Variants in TRPM8 observed in about 807,000 individuals in gnomAD.
The protein encoded by TRPM8 is TRPM8 cationic channel.
TRPM8 carries 110 observed loss-of-function variants against 133.7 expected under a neutral mutation model. The ratio of observed to expected loss-of-function variants is 0.82; its 90% CI spans 0.70 to 0.96. The LOEUF (loss-of-function observed/expected upper bound fraction) is 0.96, where lower values mean the gene tolerates loss of function less well. Ranked by LOEUF, TRPM8 falls within the 40% of genes least tolerant of loss-of-function variation. The probability of loss-of-function intolerance (pLI) is 0.00; values close to 1 mark genes in which losing one functional copy is unlikely to be tolerated. For missense variants in TRPM8, 1,291 were observed against 1,379.5 expected (o/e 0.94, Z 1.02); for synonymous variants, 535 against 532.3 (o/e 1.01, Z -0.07).
intron 11 of TRPM8, among the ~76,000 whole-genome samples, chr2:233,958,738 G>A (rs1660795368): frequency 1.3e-5 from 2 of 152,208 alleles, no homozygotes; most frequent in African/African-American, 2.4e-5. Context: ...ACAATGTGGG[G>A]ACTCAAGGGA....
intron 18 of TRPM8, 125 bp downstream of exon 18, chr2:233,980,404 G>A (rs1691977541): frequency 1.6e-6 from 1 of 626,698 alleles, no homozygotes; most frequent in Non-Finnish European, 2.7e-6. Flanking sequence ...ACAAGACCAT[G>A]GTGTCTGCTT....
intron 17 of TRPM8, among the ~76,000 whole-genome samples, chr2:233,971,666 C>T (rs1328223804): frequency 1.3e-5 from 2 of 151,678 alleles, no homozygotes; most frequent in East Asian, 1.9e-4. Flanking sequence ...TTCTGATGTT[C>T]GGATGTGTTC....
At chr2:233,942,988 C>T (rs945216879) in intron 6 of TRPM8, 5 of 580,116 alleles carry the variant, frequency 8.6e-6, no homozygotes, top group East Asian at 3.0e-5. Context: ...TCAGCAATCT[C>T]ATATCACAGT....
rs531485223 is a variant in TRPM8, at chr2:233,927,184, A to G, written c.117+530A>G. Among the ~76,000 whole-genome samples, 4 of 152,292 alleles carry G rather than the reference A, an allele frequency of 2.6e-5. No homozygotes were observed. In the East Asian group the frequency reaches 7.7e-4, roughly 29 times the overall value. ...AATTAAGACAACATTCCAGCCTGAC[A>G]TCCAGTTCTCATGGACTACAGTGTT... On this transcript the variant is annotated intron_variant, in intron 2 of 25. Coordinates refer to ENST00000324695, the MANE Select transcript of TRPM8 (RefSeq NM_024080.5).
intron 22 of TRPM8, among the ~76,000 whole-genome samples, chr2:234,006,478 C>G (rs941567640): frequency 2.6e-5 from 4 of 152,142 alleles, no homozygotes; most frequent in African/African-American, 7.2e-5. Context: ...CAGCAATTAT[C>G]CAGCTGAATT....
intron 3 of TRPM8, among the ~76,000 whole-genome samples, chr2:233,934,928 G>C (rs1691759645): frequency 6.6e-6 from 1 of 152,210 alleles, no homozygotes; most frequent in African/African-American, 2.4e-5. Context: ...TCCTGCCACA[G>C]AGTGCTTTTA....
chr2:233,989,738 T>C lies in TRPM8; in HGVS notation c.2939+3873T>C, dbSNP rs1303887025. Among the ~76,000 whole-genome samples the C allele has an allele frequency of 6.6e-6, 1 of 152,222 alleles. No homozygotes were observed. Among genetic ancestry groups the C allele is most frequent in the Non-Finnish European group, 1.5e-5 (1 of 68,038 alleles). ...GAGTATTGGAGTGCTCTCTAGATGG[T>C]ATTCAACAGAGAAAGGAAATGGATG... On this transcript the variant is annotated intron_variant, in intron 21 of 25. Transcript: ENST00000324695. The surrounding 1 kb of genome is among the most constrained non-coding windows in gnomAD (Gnocchi z 4.2).
intron 1 of TRPM8, among the ~76,000 whole-genome samples, chr2:233,919,369 G>C (rs968096611): frequency 6.6e-6 from 1 of 152,132 alleles, no homozygotes; most frequent in Non-Finnish European, 1.5e-5. Flanking sequence ...AATTTTGGCA[G>C]TGTACTAATG....
In TRPM8 at chr2:234,006,389, A is replaced by G. The variant is rs148434575; in HGVS notation, c.3131-464A>G. ...CACAGCTCATGTTTCAGAAGGACAG[A>G]AACAATGCCTCGGGCTTATTTTCCT... On this transcript the variant is annotated intron_variant, in intron 22 of 25. Transcript: ENST00000324695. 7.9e-3 allele frequency among the ~76,000 whole-genome samples: 1,210 copies of G among 152,324 alleles called. 12 individuals carry two copies. The highest frequency in any genetic ancestry group is 7.8e-3 in the African/African-American group (326 of 41,566).
At chr2:233,923,698 C>T (rs1691455450) in intron 1 of TRPM8, among the ~76,000 whole-genome samples, 1 of 152,214 alleles carries the variant, frequency 6.6e-6, no homozygotes, top group Non-Finnish European at 1.5e-5. Flanking sequence ...GCATTTCACT[C>T]ATGGGTCTTG....
At chr2:234,009,491 C>A (rs907527332) in intron 24 of TRPM8, among the ~76,000 whole-genome samples, 5 of 152,082 alleles carry the variant, frequency 3.3e-5, no homozygotes, top group African/African-American at 9.7e-5. Context: ...TTGGCCCCAG[C>A]CTGGGCCCTG....
At chr2:233,992,012 T>C (rs1692291071) in intron 21 of TRPM8, among the ~76,000 whole-genome samples, 1 of 152,206 alleles carries the variant, frequency 6.6e-6, no homozygotes, top group Non-Finnish European at 1.5e-5. Flanking sequence ...ACATATATAA[T>C]TTCCCAGTAA....
chr2:234,002,486 C>A (rs1043563409), intron 22 of TRPM8, among the ~76,000 whole-genome samples: 5 of 152,174 alleles, frequency 3.3e-5, no homozygotes, highest in African/African-American at 1.2e-4. Context: ...TCTTTGATGA[C>A]TGGACTTGTT....
At chr2:234,012,156 T>C (rs1241815609) in intron 24 of TRPM8, among the ~76,000 whole-genome samples, 1 of 36,148 alleles carries the variant, frequency 2.8e-5, no homozygotes, top group East Asian at 2.8e-3. Context: ...TTCTAACAGT[T>C]TTTTTTTTTT....
intron 6 of TRPM8, 47 bp from the exon 7 acceptor site, chr2:233,945,809 T>C (rs200909703): frequency 6.5e-7 from 1 of 1,529,464 alleles, no homozygotes; most frequent in African/African-American, 1.4e-5. Flanking sequence ...ATCATGTATC[T>C]TGACTGATAA....
intron 2 of TRPM8, chr2:233,929,842 T>G (rs1164718701): frequency 2.0e-5 from 3 of 152,270 alleles, no homozygotes; most frequent in African/African-American, 7.2e-5. Flanking sequence ...TTATTGCCTT[T>G]GATATTTTTA....
chr2:234,005,051 A>G (rs191596750), intron 22 of TRPM8, among the ~76,000 whole-genome samples: 64 of 152,330 alleles, frequency 4.2e-4, no homozygotes, highest in African/African-American at 1.4e-3. Context: ...GCTATGTTAA[A>G]GAGTTCTATG....
rs984119439 is a variant in TRPM8 at position 233,989,961 on chromosome 2, G to A, written c.2939+4096G>A. Among the ~76,000 whole-genome samples the A allele has an allele frequency of 7.0e-4, 107 of 152,320 alleles. No individual in the cohort carries two copies. The highest frequency in any genetic ancestry group is 2.4e-3 in the African/African-American group (101 of 41,570). On this transcript the variant is annotated intron_variant, in intron 21 of 25. Transcript: ENST00000324695. This position sits in a 1 kb window ranked among gnomAD's most constrained non-coding sequence, Gnocchi z 4.2. Reference sequence around the variant, plus strand: ...AAGGACTCGTCAAACATGTCCTGCTGTAGAATAATTTCTAAAAATGTTTTT... The same window carrying A: ...AAGGACTCGTCAAACATGTCCTGCTATAGAATAATTTCTAAAAATGTTTTT...
chr2:233,918,949 T>C (rs933765344), intron 1 of TRPM8, among the ~76,000 whole-genome samples: 1 of 152,148 alleles, frequency 6.6e-6, no homozygotes, highest in African/African-American at 2.4e-5. Context: ...GGGTTTGGTG[T>C]GGGGCCCTTT....
Sources: allele counts gnomAD v4.1 joint callset (sites outside exome capture counted in the v4.1 genomes callset), GRCh38; gene constraint gnomAD v4.1.1; non-coding constraint Gnocchi (gnomAD v3.1); transcripts MANE v1.5; gene names NCBI Gene and HGNC (gene_info 2026-07-23, HGNC 2026-07-21).